The following NEGR1 variants were observed in gnomAD, a reference collection of about 807,000 sequenced individuals.
NEGR1 encodes the protein neuronal growth regulator 1, also known as IgLON family member 4.
In NEGR1, 10 loss-of-function variants were observed where a neutral mutation model predicts 40.9. The observed-to-expected ratio is 0.24, with a 90% CI of 0.15 to 0.42. The LOEUF (loss-of-function observed/expected upper bound fraction) is 0.42, where lower values mean the gene tolerates loss of function less well. Ranked by LOEUF, NEGR1 falls within the 10% of genes least tolerant of loss-of-function variation. The probability of loss-of-function intolerance (pLI) is 1.00; values close to 1 mark genes in which losing one functional copy is unlikely to be tolerated. For synonymous variants in NEGR1, 185 were observed against 166.8 expected (o/e 1.11, Z -0.84); for missense variants, 352 against 438.9 (o/e 0.80, Z 1.77).
chr1:72,205,445 A>T (rs1013745671), intron 1 of NEGR1, among the ~76,000 whole-genome samples: 4 of 151,794 alleles, frequency 2.6e-5, no homozygotes, highest in Admixed American at 2.0e-4. Context: ...CAAGCAGAAT[A>T]AAACTGCATA....
intron 1 of NEGR1, among the ~76,000 whole-genome samples, chr1:72,265,117 C>T (rs1000362193): frequency 3.3e-5 from 5 of 150,992 alleles, no homozygotes; most frequent in African/African-American, 1.2e-4. Flanking sequence ...GTATACCTTA[C>T]GTAGCAGATT....
intron 1 of NEGR1, among the ~76,000 whole-genome samples, chr1:71,974,349 A>G (rs1388740891): frequency 6.6e-6 from 1 of 152,212 alleles, no homozygotes; most frequent in Non-Finnish European, 1.5e-5. Flanking sequence ...CAAAATGAAT[A>G]AAATAGTAAA....
At chr1:72,251,372 A>C (rs1051278653) in intron 1 of NEGR1, among the ~76,000 whole-genome samples, 4 of 152,196 alleles carry the variant, frequency 2.6e-5, no homozygotes, top group Middle Eastern at 3.2e-3. Flanking sequence ...ATTAGTATAA[A>C]CATTAATAGA....
chr1:71,816,441 A>G (rs1385018007), intron 2 of NEGR1, among the ~76,000 whole-genome samples: 2 of 152,058 alleles, frequency 1.3e-5, no homozygotes, highest in Non-Finnish European at 2.9e-5. Context: ...AGGCCTCACA[A>G]TCATGGCAGA....
At chr1:72,010,855 A>G (rs1646650719) in intron 1 of NEGR1, among the ~76,000 whole-genome samples, 1 of 152,096 alleles carries the variant, frequency 6.6e-6, no homozygotes, top group African/African-American at 2.4e-5. Flanking sequence ...TTAGATATTT[A>G]AAGATAATTA....
At chr1:72,168,077 C>A (rs1651831347) in intron 1 of NEGR1, among the ~76,000 whole-genome samples, 3 of 151,256 alleles carry the variant, frequency 2.0e-5, no homozygotes, top group Non-Finnish European at 1.5e-5. Flanking sequence ...GTGATCTCGG[C>A]TAACTGCAAC....
intron 1 of NEGR1, among the ~76,000 whole-genome samples, chr1:72,012,666 T>C (rs927048328): frequency 6.6e-6 from 1 of 151,996 alleles, no homozygotes; most frequent in African/African-American, 2.4e-5. Context: ...CCTCTTTTTT[T>C]TCTTCAAAGA....
intron 1 of NEGR1, among the ~76,000 whole-genome samples, chr1:72,240,170 A>G (rs541798166): frequency 2.0e-5 from 3 of 151,994 alleles, no homozygotes; most frequent in South Asian, 4.1e-4. Flanking sequence ...TATGGGCAAA[A>G]TTATCCAAAG....
At chr1:72,270,011 T>C (rs930245204) in intron 1 of NEGR1, among the ~76,000 whole-genome samples, 1 of 151,778 alleles carries the variant, frequency 6.6e-6, no homozygotes, top group Non-Finnish European at 1.5e-5. Flanking sequence ...AGCCAATAAA[T>C]CTATCAATTG....
chr1:71,748,821 G>A (rs1201801590), intron 3 of NEGR1, among the ~76,000 whole-genome samples: 1 of 152,026 alleles, frequency 6.6e-6, no homozygotes, highest in Non-Finnish European at 1.5e-5. Context: ...ATGCATAGAA[G>A]GACTGTGGTC....
In NEGR1 at chr1:71,398,366, C is replaced by T. The variant is rs189953600; in HGVS notation, c.*9080G>A. On this transcript the variant is annotated 3_prime_UTR_variant, in exon 7 of 7. Transcript: ENST00000357731. ...GCTATACCCTGCAAAGCTGCAGAGG[C>T]GGAGCTGCCTAAGGCCATGGGAGCC... 260 of 154,038 alleles carry T rather than the reference C, an allele frequency of 1.7e-3. 1 individual carries two copies. Among genetic ancestry groups the T allele is most frequent in the Middle Eastern group, 6.5e-3 (2 of 306 alleles). The allele number at this position is 154,038 out of a possible 1,614,324, so 9.5% of individuals were successfully genotyped here.
intron 4 of NEGR1, among the ~76,000 whole-genome samples, chr1:71,670,666 G>T (rs1220103952): frequency 6.6e-6 from 1 of 151,918 alleles, no homozygotes; most frequent in Non-Finnish European, 1.5e-5. Context: ...TCATGAACAT[G>T]GTTGTGTGCC....
chr1:72,043,779 A>T (rs1646976503), intron 1 of NEGR1, among the ~76,000 whole-genome samples: 1 of 151,868 alleles, frequency 6.6e-6, no homozygotes, highest in South Asian at 2.1e-4. Flanking sequence ...GGGGAAAAGC[A>T]CTTGTAACAG....
chr1:72,221,596 TA>T (rs1343646365), intron 1 of NEGR1, among the ~76,000 whole-genome samples: 4 of 152,118 alleles, frequency 2.6e-5, no homozygotes, highest in Non-Finnish European at 5.9e-5. Flanking sequence ...GATAATTTAA[TA>T]AAATGTGCCA....
chr1:71,928,552 A>T (rs929237394), intron 2 of NEGR1, among the ~76,000 whole-genome samples: 2 of 89,816 alleles, frequency 2.2e-5, no homozygotes, highest in Non-Finnish European at 4.6e-5. Flanking sequence ...ATATACACAT[A>T]TGTGTATATA....
At chr1:72,146,930 T>C (rs1194048894) in intron 1 of NEGR1, among the ~76,000 whole-genome samples, 4 of 152,202 alleles carry the variant, frequency 2.6e-5, no homozygotes, top group Non-Finnish European at 5.9e-5. Flanking sequence ...TTTCCTACTA[T>C]GTCTTGATGT....
In NEGR1 at chr1:71,610,903, C is replaced by CTG. The variant is rs1028419474; in HGVS notation, c.788+121_788+122dup. 108 of 959,240 alleles carry CTG rather than the reference C, an allele frequency of 1.1e-4. No individual in the cohort carries two copies. The Admixed American group carries it at 2.3e-3, about 21-fold the overall frequency. 59.4% of individuals were successfully genotyped at this position (959,240 alleles called of 1,614,324 possible). ...CACGTGGGCCCCTTCAGTTTGCTTG[C>CTG]TGGAGAGGAGGCTGCTGAGAATCAT... On this transcript the variant is annotated intron_variant, in intron 5 of 6. Transcript: ENST00000357731.
intron 4 of NEGR1, among the ~76,000 whole-genome samples, chr1:71,675,401 A>AGG (rs1278128692): frequency 1.3e-5 from 2 of 151,346 alleles, no homozygotes; most frequent in African/African-American, 2.4e-5. Context: ...GAAGAGAGAG[A>AGG]AAGGTATATA....
At chr1:71,701,211 A>G (rs183265931) in intron 3 of NEGR1, among the ~76,000 whole-genome samples, 4 of 152,142 alleles carry the variant, frequency 2.6e-5, no homozygotes, top group African/African-American at 9.6e-5. Flanking sequence ...ACAGTGTCTC[A>G]CTGGATTAAA....
Sources: gnomAD v4.1 joint callset for allele counts (sites outside exome capture counted in the v4.1 genomes callset) on GRCh38, gnomAD v4.1.1 for gene constraint, MANE v1.5 for transcripts, NCBI Gene and HGNC (gene_info 2026-07-23, HGNC 2026-07-21) for gene names.